The following ATG13 variants were observed in gnomAD, a reference collection of about 807,000 sequenced individuals.
The protein encoded by ATG13 is autophagy related 13.
In ATG13, 23 loss-of-function variants were observed where a neutral mutation model predicts 65.5. The observed-to-expected ratio is 0.35, with a 90% CI of 0.25 to 0.50. The LOEUF is 0.50. ATG13 is among the 20% of genes least tolerant of loss of function. The pLI is 0.98. For missense variants in ATG13, 566 were observed against 677.0 expected (o/e 0.84, Z 1.82); for synonymous variants, 252 against 245.2 (o/e 1.03, Z -0.26).
chr11:46,656,340 T>C, intron 8 of ATG13, 67 bp downstream of exon 8: 1 of 1,442,650 alleles, frequency 6.9e-7, no homozygotes, highest in South Asian at 1.2e-5. Context: ...ATGATCTTCG[T>C]TTCTACTTGT....
Position 46,649,063 on chromosome 11 carries a change from AT to A in ATG13, c.271-69del, listed in dbSNP as rs551129544. ...TTTTTGCTTATCTATACCTTTTAATATTTTTATAGTGACTGTAATGCTTTGA... is the reference window on the plus strand; with the variant it reads ...TTTTTGCTTATCTATACCTTTTAATATTTTATAGTGACTGTAATGCTTTGA... On this transcript the variant is annotated intron_variant, in intron 5 of 18. Transcript: ENST00000683050. 5.3e-5 allele frequency: 70 copies of A among 1,330,718 alleles called. 1 individual carries two copies. The South Asian group carries it at 7.7e-4, about 15-fold the overall frequency. 82.4% of individuals were successfully genotyped at this position (1,330,718 alleles called of 1,614,324 possible).
At chr11:46,639,256 G>T (rs1347733889) in intron 2 of ATG13, among the ~76,000 whole-genome samples, 1 of 152,200 alleles carries the variant, frequency 6.6e-6, no homozygotes, top group African/African-American at 2.4e-5. Context: ...ACAGTGCTGG[G>T]ATTATAGGCG....
chr11:46,647,645 C>T (rs1419957026), intron 5 of ATG13, among the ~76,000 whole-genome samples: 1 of 151,762 alleles, frequency 6.6e-6, no homozygotes, highest in African/African-American at 2.4e-5. Flanking sequence ...AGTCATGGCT[C>T]ACTGCAGCCT....
chr11:46,626,528 G>A (rs555613495), intron 1 of ATG13, among the ~76,000 whole-genome samples: 28 of 152,324 alleles, frequency 1.8e-4, no homozygotes, highest in African/African-American at 5.5e-4. Context: ...GGGATTACAA[G>A]CGTGAGCCAC....
At chr11:46,631,280 C>T (rs1199376304) in intron 2 of ATG13, among the ~76,000 whole-genome samples, 3 of 152,174 alleles carry the variant, frequency 2.0e-5, no homozygotes, top group Non-Finnish European at 4.4e-5. Flanking sequence ...TAGTTTCAAA[C>T]TCCTGGCTCA....
At chr11:46,652,225 G>A (rs1328104982) in intron 7 of ATG13, among the ~76,000 whole-genome samples, 1 of 152,016 alleles carries the variant, frequency 6.6e-6, no homozygotes, top group Non-Finnish European at 1.5e-5. Flanking sequence ...TCCAGCCTGG[G>A]TGACAGGGCT....
At chr11:46,627,797 T>A (rs981595023) in intron 1 of ATG13, among the ~76,000 whole-genome samples, 1 of 151,996 alleles carries the variant, frequency 6.6e-6, no homozygotes, top group Non-Finnish European at 1.5e-5. Context: ...AGAGCATTTT[T>A]AAGGCCAAGC....
intron 5 of ATG13, 135 bp downstream of exon 5, chr11:46,646,124 T>C (rs1565508336): frequency 8.0e-7 from 1 of 1,249,302 alleles, no homozygotes; most frequent in African/African-American, 1.5e-5. Flanking sequence ...GGGTCATAGT[T>C]TTTTTTGTTC....
At chr11:46,650,123 G>T (rs778943166) in intron 6 of ATG13, 54 bp from the exon 7 acceptor site, 2 of 1,589,850 alleles carry the variant, frequency 1.3e-6, no homozygotes, top group Admixed American at 1.7e-5. Context: ...ATTTGGTCTT[G>T]TGTAGCTCCA....
intron 2 of ATG13, chr11:46,632,346 TAGTA>T: frequency 1.3e-5 from 2 of 152,166 alleles, no homozygotes; most frequent in Non-Finnish European, 2.9e-5. Context: ...AATAACAAGA[TAGTA>T]AGCAGCTCAC....
At chr11:46,667,398 A>T (rs183982591) in intron 14 of ATG13, among the ~76,000 whole-genome samples, 1 of 152,178 alleles carries the variant, frequency 6.6e-6, no homozygotes, top group East Asian at 1.9e-4. Context: ...TCATTCAAAG[A>T]CCTTTAGTTG....
intron 2 of ATG13, among the ~76,000 whole-genome samples, chr11:46,643,184 G>A (rs1591773490): frequency 1.3e-5 from 2 of 152,134 alleles, no homozygotes; most frequent in African/African-American, 4.8e-5. Context: ...TGTTTCAAAC[G>A]GCTGATTGAG....
intron 2 of ATG13, among the ~76,000 whole-genome samples, chr11:46,636,635 G>A (rs1400570620): frequency 1.3e-5 from 2 of 151,138 alleles, no homozygotes; most frequent in Non-Finnish European, 1.5e-5. Flanking sequence ...TTTTTTGTTG[G>A]GGGTAGAGAT....
chr11:46,623,588 C>T (rs1462475131), intron 1 of ATG13, among the ~76,000 whole-genome samples: 7 of 151,454 alleles, frequency 4.6e-5, no homozygotes, highest in South Asian at 2.1e-4. Flanking sequence ...CCACCACACC[C>T]GGCTAATTTT....
At chr11:46,657,067 G>C in intron 8 of ATG13, 28 bp from the exon 9 acceptor site, 1 of 1,577,242 alleles carries the variant, frequency 6.3e-7, no homozygotes, top group Non-Finnish European at 8.7e-7. Flanking sequence ...CTCTGCAAAA[G>C]AAGCTAATAA....
intron 11 of ATG13, chr11:46,660,169 A>T (rs1386298204): frequency 6.6e-6 from 1 of 152,176 alleles, no homozygotes; most frequent in African/African-American, 2.4e-5. Context: ...CTTCCACCAC[A>T]AGTCACTCAT....
At chr11:46,670,316 A>C (rs904921294) in intron 18 of ATG13, among the ~76,000 whole-genome samples, 1 of 151,850 alleles carries the variant, frequency 6.6e-6, no homozygotes, top group Admixed American at 6.6e-5. Flanking sequence ...CCCCGTCTCT[A>C]CTAAAAATAC....
chr11:46,639,275 C>T (rs914958445), intron 2 of ATG13, among the ~76,000 whole-genome samples: 11 of 152,148 alleles, frequency 7.2e-5, no homozygotes, highest in African/African-American at 2.7e-4. Flanking sequence ...CGTGAGCCAC[C>T]ATGCCCAGCT....
At position 46,645,324 on chromosome 11, in the gene ATG13, T is replaced by C. The variant is rs1278957636; in HGVS notation, c.70-15T>C. The C allele has an allele frequency of 1.3e-6, 2 of 1,594,346 alleles. No homozygotes were observed. The highest frequency in any genetic ancestry group is 1.7e-6 in the Non-Finnish European group (2 of 1,173,820). On this transcript the variant is annotated splice_polypyrimidine_tract_variant and intron_variant, in intron 3 of 18. Transcript: ENST00000683050. ...CATCATTTTAGGATTTCTTTTGTGT[T>C]TTTTTTTTCTTTAGACTGTCCAAGT...
Sources: allele counts gnomAD v4.1 joint callset (sites outside exome capture counted in the v4.1 genomes callset), GRCh38; gene constraint gnomAD v4.1.1; transcripts MANE v1.5; gene names NCBI Gene and HGNC (gene_info 2026-07-23, HGNC 2026-07-21).